SCD5: variants seen among roughly 807,000 people sequenced by gnomAD.
SCD5 encodes stearoyl-CoA desaturase 5, also known as acyl-CoA-desaturase 4.
Under a neutral mutation model 30.4 loss-of-function variants are expected in SCD5, and 20 were observed. That is an observed-to-expected ratio of 0.66 (90% CI 0.46 to 0.96). The LOEUF (loss-of-function observed/expected upper bound fraction) is 0.96. Ranked by LOEUF, SCD5 falls within the 40% of genes least tolerant of loss-of-function variation. The pLI is 0.00. For missense variants in SCD5, 381 were observed against 443.3 expected (o/e 0.86, Z 1.26); for synonymous variants, 173 against 176.4 (o/e 0.98, Z 0.16).
intron 3 of SCD5, among the ~76,000 whole-genome samples, chr4:82,643,512 A>G (rs1727583888): frequency 6.6e-6 from 1 of 152,242 alleles, no homozygotes. Flanking sequence ...GGCACCTACA[A>G]CAGGAAAATT....
At chr4:82,714,014 T>C (rs1236498058) in intron 1 of SCD5, among the ~76,000 whole-genome samples, 1 of 152,196 alleles carries the variant, frequency 6.6e-6, no homozygotes, top group Non-Finnish European at 1.5e-5. Context: ...CACTCTCTCT[T>C]TAAGTCTGGC....
chr4:82,671,397 T>C (rs1291885216), intron 3 of SCD5, among the ~76,000 whole-genome samples: 1 of 152,198 alleles, frequency 6.6e-6, no homozygotes, highest in Non-Finnish European at 1.5e-5. Flanking sequence ...CAAGATATAA[T>C]TGACATCTAC....
At chr4:82,735,538 C>A (rs1720731838) in intron 1 of SCD5, among the ~76,000 whole-genome samples, 1 of 152,188 alleles carries the variant, frequency 6.6e-6, no homozygotes, top group Non-Finnish European at 1.5e-5. Context: ...ATAAACGACG[C>A]AGTGCGAAAG....
intron 4 of SCD5, among the ~76,000 whole-genome samples, chr4:82,634,292 T>C (rs114766145): frequency 6.6e-6 from 1 of 152,180 alleles, no homozygotes; most frequent in Admixed American, 6.6e-5. Flanking sequence ...CTGGATCACA[T>C]AGTAACTATT....
intron 2 of SCD5, among the ~76,000 whole-genome samples, chr4:82,690,998 G>C (rs750309651): frequency 3.6e-4 from 37 of 103,924 alleles, no homozygotes; most frequent in Non-Finnish European, 7.0e-4. Context: ...ATATAGGCAA[G>C]ACCATTTGTT....
In SCD5 at chr4:82,636,814, C is replaced by G; in HGVS notation, c.579G>C (p.Lys193Asn). 1 of 1,611,198 alleles carries G rather than the reference C, an allele frequency of 6.2e-7. No individual in the cohort carries two copies. ...CAAAGCACATGAGCACCACGGAGAT[C>G]TTATAGTACCTACAGGGCAAGACAC... Reference protein sequence around the residue: ...PVVRIQRKYYKISVVLMCFVV... With the variant: ...PVVRIQRKYYNISVVLMCFVV... The change falls in exon 4 of 5, where the codon AAG (lysine) becomes AAC (asparagine). Residue 193 changes from lysine to asparagine, a missense_variant. Physicochemically the swap from Lys to Asn is moderately conservative, Grantham distance 94. Coordinates refer to ENST00000319540, the MANE Select transcript of SCD5 (RefSeq NM_001037582.3).
At chr4:82,689,536 C>T (rs1037875312) in intron 2 of SCD5, among the ~76,000 whole-genome samples, 1 of 152,040 alleles carries the variant, frequency 6.6e-6, no homozygotes, top group African/African-American at 2.4e-5. Flanking sequence ...TTGGAAAAAG[C>T]AAACTTTTCT....
At chr4:82,666,148 T>C (rs1728182129) in intron 3 of SCD5, among the ~76,000 whole-genome samples, 1 of 152,222 alleles carries the variant, frequency 6.6e-6, no homozygotes, top group South Asian at 2.1e-4. Context: ...AAACTTTCTC[T>C]ACTTTTTATG....
chr4:82,653,493 C>G (rs1330468762), intron 3 of SCD5, among the ~76,000 whole-genome samples: 1 of 152,104 alleles, frequency 6.6e-6, no homozygotes, highest in African/African-American at 2.4e-5. Context: ...ACCTGGGATT[C>G]TAAGACTCTT....
chr4:82,798,516 C>T lies in SCD5; in HGVS notation c.22G>A (p.Ala8Thr). The change falls in exon 1 of 5, where the codon GCG becomes ACG. Residue 8 changes from alanine to threonine, a missense_variant. Physicochemically the swap from Ala to Thr is moderately conservative, Grantham distance 58. Transcript: ENST00000319540. ...GCGTCGCAGAAAGGGATCTTCCCCG[C>T]GTCGGTGGCCGGGCCTGGCATGGCT... is the stretch of plus-strand genomic sequence containing the variant. MPGPATD[A>T]GKIPFCDAKE... is the part of the protein sequence containing the mutation. 6.2e-7 allele frequency: 1 copy of T among 1,602,100 alleles called. No individual in the cohort carries two copies. Among genetic ancestry groups the T allele is most frequent in the Non-Finnish European group, 8.5e-7 (1 of 1,174,954 alleles).
At chr4:82,791,492 C>A (rs1177063096) in intron 1 of SCD5, among the ~76,000 whole-genome samples, 1 of 151,828 alleles carries the variant, frequency 6.6e-6, no homozygotes, top group African/African-American at 2.4e-5. Context: ...AGCGGGCTGG[C>A]TAGAGTGTCT....
intron 1 of SCD5, among the ~76,000 whole-genome samples, chr4:82,794,861 G>A (rs950384447): frequency 2.0e-5 from 3 of 151,860 alleles, no homozygotes; most frequent in East Asian, 1.9e-4. Context: ...CCGTGTTAGC[G>A]AGGATGGTCT....
chr4:82,653,147 C>T (rs559499814), intron 3 of SCD5, among the ~76,000 whole-genome samples: 1 of 152,296 alleles, frequency 6.6e-6, no homozygotes, highest in Non-Finnish European at 1.5e-5. Context: ...AAGTGAAACC[C>T]TGTTTCCAGA....
chr4:82,635,456 A>G lies in SCD5; in HGVS notation c.802+1135T>C, dbSNP rs187515801. On this transcript the variant is annotated intron_variant, in intron 4 of 4. Coordinates refer to ENST00000319540, the MANE Select transcript of SCD5 (RefSeq NM_001037582.3). ...AACACGGTGAAATCCCGTCTCTACT[A>G]AAAAATACAAAAAAATTAGCCAGGC... 2.4e-3 allele frequency among the ~76,000 whole-genome samples: 367 copies of G among 151,942 alleles called. 5 individuals carry two copies. The highest frequency in any genetic ancestry group is 8.2e-3 in the African/African-American group (341 of 41,420).
intron 3 of SCD5, among the ~76,000 whole-genome samples, chr4:82,637,137 T>A (rs1222112293): frequency 1.3e-5 from 2 of 152,222 alleles, no homozygotes; most frequent in Admixed American, 6.5e-5. Context: ...ATCTTAGAGC[T>A]ACATTTATCC....
At chr4:82,722,789 T>C (rs28414763) in intron 1 of SCD5, among the ~76,000 whole-genome samples, 64,316 of 149,336 alleles carry the variant, frequency 0.43, 14,470 homozygotes, top group African/African-American at 0.57. Flanking sequence ...TATTCTCGGC[T>C]GGGCTCAGTA....
At chr4:82,706,477 C>T (rs879545546) in intron 1 of SCD5, among the ~76,000 whole-genome samples, 5 of 152,262 alleles carry the variant, frequency 3.3e-5, no homozygotes, top group Non-Finnish European at 7.3e-5. Flanking sequence ...TGGTTCACAG[C>T]AGCGCCTGTA....
intron 1 of SCD5, among the ~76,000 whole-genome samples, chr4:82,791,362 A>G (rs987375440): frequency 1.3e-5 from 2 of 152,176 alleles, no homozygotes; most frequent in African/African-American, 4.8e-5. Context: ...AACAGCTCAC[A>G]ACAGGTACCT....
chr4:82,705,564 C>A (rs1200551991), intron 1 of SCD5, 151 bp from the exon 2 acceptor site: 2 of 1,105,640 alleles, frequency 1.8e-6, no homozygotes, highest in African/African-American at 1.6e-5. Context: ...GAGGAGGCAG[C>A]CTTTTTATTG....
Sources: allele counts gnomAD v4.1 joint callset (sites outside exome capture counted in the v4.1 genomes callset), GRCh38; gene constraint gnomAD v4.1.1; transcripts MANE v1.5; gene names NCBI Gene and HGNC (gene_info 2026-07-23, HGNC 2026-07-21).